Variants in MID1 observed in about 807,000 individuals in gnomAD.
MID1 encodes E3 ubiquitin-protein ligase Midline-1.
Under a neutral mutation model 40.4 loss-of-function variants are expected in MID1, and 7 were observed. The ratio of observed to expected loss-of-function variants is 0.17; its 90% CI spans 0.10 to 0.33. The LOEUF (loss-of-function observed/expected upper bound fraction) is 0.33. MID1 is among the 10% of genes least tolerant of loss of function. MID1 has a pLI of 1.00. For synonymous variants in MID1, 229 were observed against 221.2 expected (o/e 1.04, Z -0.31); for missense variants, 367 against 558.5 (o/e 0.66, Z 3.46).
At position 10,646,935 on chromosome X, in the gene MID1, C is replaced by T. The variant is rs140535469; in HGVS notation, c.-186-26516G>A. 3.9e-4 allele frequency among the ~76,000 whole-genome samples: 44 copies of T among 111,650 alleles called. No homozygotes were observed. The East Asian group carries it at 0.011, about 27-fold the overall frequency. On this transcript the variant is annotated intron_variant, in intron 1 of 10. Coordinates refer to the MID1 transcript ENST00000380785. ...AATTTTTCTAATTATATCAGAGAAA[C>T]GAAAAGAAGGCTGTCTTTTTTGCTT...
At chrX:10,724,775 A>AT (rs1350208893) in intron 1 of MID1, among the ~76,000 whole-genome samples, 2 of 112,419 alleles carry the variant, frequency 1.8e-5, no homozygotes, top group Admixed American at 1.9e-4. Flanking sequence ...ACCTTGGTTG[A>AT]TTTTGAGGTT....
intron 7 of MID1, among the ~76,000 whole-genome samples, chrX:10,467,202 CATAATATTT>C (rs1929435160): frequency 9.0e-6 from 1 of 111,407 alleles, no homozygotes; most frequent in South Asian, 3.8e-4. Flanking sequence ...ATATCTCAGA[CATAATATTT>C]ATTGAAAAAA....
At chrX:10,512,422 T>C (rs1171366330) in intron 3 of MID1, among the ~76,000 whole-genome samples, 2 of 113,042 alleles carry the variant, frequency 1.8e-5, no homozygotes, top group Non-Finnish European at 3.7e-5. Flanking sequence ...TGGCTGATTC[T>C]TGTTATATCT....
At chrX:10,623,735 A>G (rs998613269), upstream of MID1, among the ~76,000 whole-genome samples, 4 of 111,800 alleles carry the variant, frequency 3.6e-5, no homozygotes, top group Admixed American at 9.5e-5. Context: ...GCAATTTCAC[A>G]TAGGTTATTT....
chrX:10,662,305 AAAACAAACAAAC>A (rs916226332), intron 1 of MID1, among the ~76,000 whole-genome samples: 2 of 111,257 alleles, frequency 1.8e-5, no homozygotes, highest in African/African-American at 6.6e-5. Context: ...ACACTGTCTC[AAAACAAACAAAC>A]AAAGAAACAA....
At chrX:10,766,734 A>G (rs1313146490) in intron 1 of MID1, among the ~76,000 whole-genome samples, 2 of 109,740 alleles carry the variant, frequency 1.8e-5, no homozygotes, top group Non-Finnish European at 3.8e-5. Context: ...AGCCTGGGCA[A>G]CAAGGTGAAA....
intron 1 of MID1, among the ~76,000 whole-genome samples, chrX:10,784,033 G>A (rs1456413865): frequency 9.0e-6 from 1 of 111,379 alleles, no homozygotes; most frequent in Non-Finnish European, 1.9e-5. Context: ...TTTATAAAAA[G>A]AATAAAATAC....
At chrX:10,795,985 T>A (rs1032503973) in intron 1 of MID1, among the ~76,000 whole-genome samples, 3 of 111,586 alleles carry the variant, frequency 2.7e-5, no homozygotes, top group African/African-American at 9.8e-5. Flanking sequence ...AGCAACCAAA[T>A]CTCTATACAC....
At chrX:10,481,099 C>T (rs1161817867) in intron 5 of MID1, among the ~76,000 whole-genome samples, 1 of 112,186 alleles carries the variant, frequency 8.9e-6, no homozygotes, top group Non-Finnish European at 1.9e-5. Flanking sequence ...CACACAGCCA[C>T]ACCCATTTGT....
At chrX:10,578,789 C>T (rs1180804277) in intron 1 of MID1, among the ~76,000 whole-genome samples, 1 of 111,627 alleles carries the variant, frequency 9.0e-6, no homozygotes, top group African/African-American at 3.3e-5. Context: ...GGTGAACAGA[C>T]CAACAGCGTG....
intron 2 of MID1, among the ~76,000 whole-genome samples, chrX:10,533,547 T>A (rs965762482): frequency 3.6e-5 from 4 of 110,944 alleles, no homozygotes; most frequent in Non-Finnish European, 5.7e-5. Flanking sequence ...TCCAAGCCAT[T>A]TTAAAATTTC....
chrX:10,811,460 T>C (rs2044101169), intron 1 of MID1, among the ~76,000 whole-genome samples: 2 of 112,497 alleles, frequency 1.8e-5, no homozygotes, highest in Non-Finnish European at 3.7e-5. Flanking sequence ...CACTTCTGTC[T>C]GCTAACACAG....
At chrX:10,795,859 A>C (rs753003251) in intron 1 of MID1, among the ~76,000 whole-genome samples, 3 of 112,260 alleles carry the variant, frequency 2.7e-5, no homozygotes, top group Non-Finnish European at 5.6e-5. Context: ...ACAACCTAAA[A>C]AAATGTGTTC....
chrX:10,794,026 A>T (rs929094367), intron 1 of MID1, among the ~76,000 whole-genome samples: 2 of 111,612 alleles, frequency 1.8e-5, no homozygotes, highest in Admixed American at 9.5e-5. Flanking sequence ...CTAGAATAGA[A>T]GCTGTATGAG....
At chrX:10,757,452 T>C (rs761638021) in intron 1 of MID1, among the ~76,000 whole-genome samples, 6 of 112,356 alleles carry the variant, frequency 5.3e-5, no homozygotes, top group Non-Finnish European at 1.1e-4. Flanking sequence ...ATGATCTCCA[T>C]GTGCAAGATC....
intron 1 of MID1, among the ~76,000 whole-genome samples, chrX:10,650,972 A>C (rs914751871): frequency 9.8e-5 from 11 of 111,800 alleles, no homozygotes; most frequent in African/African-American, 3.6e-4. Flanking sequence ...AAAAGTTAGT[A>C]GATGTGTTAG....
At chrX:10,783,585 T>C (rs774387982) in intron 1 of MID1, among the ~76,000 whole-genome samples, 3 of 111,900 alleles carry the variant, frequency 2.7e-5, no homozygotes, top group Non-Finnish European at 3.8e-5. Flanking sequence ...TGTAATTGAA[T>C]TAAATGTACA....
chrX:10,513,046 A>C (rs2147350390), intron 3 of MID1, among the ~76,000 whole-genome samples: 1 of 112,348 alleles, frequency 8.9e-6, no homozygotes, highest in South Asian at 3.7e-4. Flanking sequence ...TATATGCATG[A>C]CTCAATTATT....
At chrX:10,476,800 C>T (rs951346289) in intron 5 of MID1, among the ~76,000 whole-genome samples, 4 of 111,577 alleles carry the variant, frequency 3.6e-5, no homozygotes, top group Non-Finnish European at 7.5e-5. Context: ...CTAAATATTG[C>T]ACCCTGGGGA....
Sources: gnomAD v4.1 joint callset for allele counts (sites outside exome capture counted in the v4.1 genomes callset) on GRCh38, gnomAD v4.1.1 for gene constraint, MANE v1.5 for transcripts, NCBI Gene and HGNC (gene_info 2026-07-23, HGNC 2026-07-21) for gene names.